Variants in PMS2 observed in about 807,000 individuals in gnomAD.
The protein encoded by PMS2 is mismatch repair endonuclease PMS2.
Under a neutral mutation model 90.0 loss-of-function variants are expected in PMS2, and 69 were observed. The observed-to-expected ratio is 0.77, with a 90% CI of 0.63 to 0.94. The LOEUF (loss-of-function observed/expected upper bound fraction) is 0.94. Among genes scored for constraint, PMS2 ranks in the 40% least tolerant of loss-of-function variants. The pLI, the probability that PMS2 is intolerant of heterozygous loss-of-function variation, is 0.00. For missense variants in PMS2, 966 were observed against 1,040.2 expected, an observed-to-expected ratio of 0.93 and a Z score of 0.98; for synonymous variants, 332 against 375.1, an observed-to-expected ratio of 0.89 and a Z score of 1.33.
intron 5 of PMS2, among the ~76,000 whole-genome samples, chr7:6,000,256 C>G (rs1784947471): frequency 1.3e-5 from 2 of 151,638 alleles, no homozygotes; most frequent in Non-Finnish European, 2.9e-5. Context: ...GGCCTGGAGT[C>G]CCAGCTACTT....
chr7:5,997,907 A>G (rs1352005060), intron 6 of PMS2, among the ~76,000 whole-genome samples: 1 of 151,848 alleles, frequency 6.6e-6, no homozygotes, highest in Non-Finnish European at 1.5e-5. Context: ...TGATTTTATG[A>G]TATAAGAAAG....
Position 6,008,134 on chromosome 7 carries a change from G to A in PMS2, c.23+863C>T, listed in dbSNP as rs181430858. ...GGCCTCCCAAAGTGCTGGGATTATA[G>A]GCGTGAGTCACCGCTCTCGGCCCAC... is the stretch of plus-strand genomic sequence containing the variant. On this transcript the variant is annotated intron_variant, in intron 1 of 14. Transcript: ENST00000265849. Among the ~76,000 whole-genome samples the A allele has an allele frequency of 1.6e-3, 249 of 152,248 alleles. 1 individual carries two copies. Among genetic ancestry groups the A allele is most frequent in the Middle Eastern group, 3.4e-3 (1 of 294 alleles).
intron 6 of PMS2, among the ~76,000 whole-genome samples, 197 bp from the exon 7 acceptor site, chr7:5,997,620 C>A (rs1014372802): frequency 6.6e-6 from 1 of 152,162 alleles, no homozygotes; most frequent in African/African-American, 2.4e-5. Flanking sequence ...TCATACCTCA[C>A]TGCAATGTCA....
In PMS2 at chr7:5,992,925, G is replaced by C. The variant is rs556808002; in HGVS notation, c.904-868C>G. Among the ~76,000 whole-genome samples the C allele has an allele frequency of 1.1e-4, 17 of 152,206 alleles. No homozygotes were observed. The South Asian group carries it at 3.5e-3, about 32-fold the overall frequency. On this transcript the variant is annotated intron_variant, in intron 8 of 14. Transcript: ENST00000265849. The stretch of plus-strand genomic sequence containing the variant: ...AAACATATTCAATGTACATAGAAAA[G>C]TATCTATGACATTAAAATGTCATTA...
chr7:5,984,214 C>A (rs1379622023), intron 11 of PMS2, among the ~76,000 whole-genome samples: 1 of 151,796 alleles, frequency 6.6e-6, no homozygotes, highest in Non-Finnish European at 1.5e-5. Flanking sequence ...TGTAAGAGCA[C>A]CTTTCTGCCA....
At chr7:5,998,372 G>A (rs767887791) in intron 6 of PMS2, among the ~76,000 whole-genome samples, 4 of 149,364 alleles carry the variant, frequency 2.7e-5, no homozygotes, top group Non-Finnish European at 5.9e-5. Context: ...GAGCCACTGC[G>A]CCGGGCCTTG....
chr7:5,995,691 G>A lies in PMS2; in HGVS notation c.804-58C>T, dbSNP rs1336375415. On this transcript the variant is annotated intron_variant, in intron 7 of 14. Coordinates refer to ENST00000265849, the MANE Select transcript of PMS2 (RefSeq NM_000535.7). ...CCAGAGTGAAAGGGATTAGAAATAC[G>A]ATCACATGGCACATTCTTAAAGTGA... 2.7e-6 allele frequency: 3 copies of A among 1,122,596 alleles called. No individual in the cohort carries two copies. The highest frequency in any genetic ancestry group is 2.3e-5 in the East Asian group (1 of 42,684). 69.5% of individuals were successfully genotyped at this position (1,122,596 alleles called of 1,614,324 possible).
Position 5,995,568 on chromosome 7 carries a change from A to T in PMS2, c.869T>A (p.Phe290Tyr), listed in dbSNP as rs1031512870. The T allele has an allele frequency of 1.9e-6, 3 of 1,614,090 alleles. No individual in the cohort carries two copies. The highest frequency in any genetic ancestry group is 2.5e-6 in the Non-Finnish European group (3 of 1,179,934). The change falls in exon 8 of 15, where the codon TTC (phenylalanine) becomes TAC (tyrosine). Residue 290 changes from phenylalanine to tyrosine, a missense_variant. Phe to Tyr is a conservative substitution (Grantham distance 22). Coordinates refer to ENST00000265849, the MANE Select transcript of PMS2 (RefSeq NM_000535.7). ...GTCACAAGGCCGCCGGTTGATAAAGAAAAACTGTCTGTCTGTTGAACTCCT... is the reference window on the plus strand; with the variant it reads ...GTCACAAGGCCGCCGGTTGATAAAGTAAAACTGTCTGTCTGTTGAACTCCT... Reference protein sequence around the residue: ...VGRSSTDRQFFFINRRPCDPA... With the variant: ...VGRSSTDRQFYFINRRPCDPA...
rs1781438134 is a variant in PMS2 at position 5,972,936 on chromosome 7, C to T, written c.*463G>A. 1.2e-5 allele frequency among the ~76,000 whole-genome samples: 1 copy of T among 81,142 alleles called. No individual in the cohort carries two copies. The highest frequency in any genetic ancestry group is 2.4e-5 in the Non-Finnish European group (1 of 41,226). The allele number at this position is 81,142 out of a possible 152,430, so 53.2% of individuals were successfully genotyped here. Reference sequence around the variant, plus strand: ...TCGGTTCACTGCAACCTCCGTCTCCCGGGTTCAAGCGATTCTCCTGCCTCA... The same window carrying T: ...TCGGTTCACTGCAACCTCCGTCTCCTGGGTTCAAGCGATTCTCCTGCCTCA... On this transcript the variant is annotated 3_prime_UTR_variant, in exon 15 of 15. Transcript: ENST00000265849.
In PMS2 at chr7:5,999,212, T is replaced by G; in HGVS notation, c.601A>C (p.Ser201Arg). The G allele has an allele frequency of 6.2e-7, 1 of 1,613,704 alleles. No individual in the cohort carries two copies. The highest frequency in any genetic ancestry group is 8.5e-7 in the Non-Finnish European group (1 of 1,179,786). The change falls in exon 6 of 15, where the codon AGT (serine) becomes CGT (arginine). Residue 201 changes from serine (S) to arginine (R), a missense_variant. By Grantham distance (110) the Ser-to-Arg change is moderately radical. Coordinates refer to ENST00000265849, the MANE Select transcript of PMS2 (RefSeq NM_000535.7). The part of the protein sequence containing the change: ...YCIISAGIRV[S>R]CTNQLGQGKR... ...CCTTGTCCAAGCTGATTGGTGCAAC[T>G]TACACGGATGCCTGCTGAAATGATA...
chr7:5,995,726 A>G, intron 7 of PMS2, 93 bp from the exon 8 acceptor site: 1 of 886,904 alleles, frequency 1.1e-6, no homozygotes, highest in Non-Finnish European at 1.9e-6. Context: ...AAATGAAAAC[A>G]AAACACCAGG....
intron 5 of PMS2, chr7:6,002,210 T>A (rs1199100216): frequency 2.5e-5 from 10 of 399,818 alleles, no homozygotes; most frequent in Non-Finnish European, 4.7e-5. Context: ...TTTTTTAAAA[T>A]TTTTCATAGA....
chr7:6,000,314 C>T (rs1017467583), intron 5 of PMS2, among the ~76,000 whole-genome samples: 8 of 146,220 alleles, frequency 5.5e-5, no homozygotes, highest in African/African-American at 7.6e-5. Context: ...ATCATGGCTG[C>T]GGTAAGCTGA....
chr7:6,000,852 G>A (rs1329467760), intron 5 of PMS2, among the ~76,000 whole-genome samples: 2 of 151,964 alleles, frequency 1.3e-5, no homozygotes, highest in East Asian at 3.9e-4. Context: ...TTAGCTGGGC[G>A]TGGTGGCGCA....
At position 5,999,170 on chromosome 7, in the gene PMS2, C is replaced by G. The variant is rs1064794017; in HGVS notation, c.643G>C (p.Val215Leu). 2 of 1,613,920 alleles carry G rather than the reference C, an allele frequency of 1.2e-6. No homozygotes were observed. Among genetic ancestry groups the G allele is most frequent in the South Asian group, 2.2e-5 (2 of 91,084 alleles). The change falls in exon 6 of 15, where the codon GTA (valine) becomes CTA (leucine). Residue 215 changes from valine to leucine, a missense_variant. Coordinates refer to ENST00000265849, the MANE Select transcript of PMS2 (RefSeq NM_000535.7). ...QLGQGKRQPV[V>L]CTGGSPSIKE... ...ATGCTGGGGCTTCCACCTGTGCATA[C>G]CACAGGCTGTCGTTTTCCTTGTCCA...
chr7:5,987,812 T>TA (rs1783215693), intron 10 of PMS2, among the ~76,000 whole-genome samples, 192 bp from the exon 11 acceptor site: 2 of 152,056 alleles, frequency 1.3e-5, no homozygotes, highest in African/African-American at 4.8e-5. Context: ...CCCAGCACTT[T>TA]AGGAGGCCAA....
intron 11 of PMS2, among the ~76,000 whole-genome samples, chr7:5,984,493 G>A (rs1254958371): frequency 2.6e-5 from 4 of 151,762 alleles, no homozygotes; most frequent in South Asian, 2.1e-4. Context: ...GTTCTCACCT[G>A]GTGGCCTGAG....
At chr7:5,991,753 C>G (rs1325061364) in intron 9 of PMS2, among the ~76,000 whole-genome samples, 1 of 151,878 alleles carries the variant, frequency 6.6e-6, no homozygotes, top group East Asian at 1.9e-4. Context: ...TCAGGAGAAT[C>G]GCTTGAACCC....
At chr7:6,000,855 G>C (rs1785008977) in intron 5 of PMS2, among the ~76,000 whole-genome samples, 1 of 152,014 alleles carries the variant, frequency 6.6e-6, no homozygotes, top group Non-Finnish European at 1.5e-5. Context: ...GCTGGGCGTG[G>C]TGGCGCACAC....
Sources: allele counts gnomAD v4.1 joint callset (sites outside exome capture counted in the v4.1 genomes callset), GRCh38; gene constraint gnomAD v4.1.1; transcripts MANE v1.5; gene names NCBI Gene and HGNC (gene_info 2026-07-23, HGNC 2026-07-21).